Variants in MAP3K20 observed in about 807,000 individuals in gnomAD.
The protein encoded by MAP3K20 is mitogen-activated protein kinase kinase kinase 20.
A neutral mutation model predicts 85.7 loss-of-function variants in MAP3K20; 40 were observed. The observed-to-expected ratio is 0.47, with a 90% CI of 0.36 to 0.61. MAP3K20 has a LOEUF of 0.61. Among genes scored for constraint, MAP3K20 ranks in the 20% least tolerant of loss-of-function variants. MAP3K20 has a pLI of 0.00. For synonymous variants in MAP3K20, 325 were observed against 327.7 expected (o/e 0.99, Z 0.09); for missense variants, 817 against 961.7 (o/e 0.85, Z 1.99).
intron 2 of MAP3K20, among the ~76,000 whole-genome samples, chr2:173,132,088 G>A (rs1414343034): frequency 5.3e-5 from 8 of 152,066 alleles, no homozygotes. Flanking sequence ...AGATATTTTT[G>A]AATTGATGCT....
intron 16 of MAP3K20, among the ~76,000 whole-genome samples, chr2:173,254,173 T>C (rs193207688): frequency 0.024 from 3,648 of 151,578 alleles, 78 homozygotes; most frequent in Non-Finnish European, 0.031. Flanking sequence ...CCCAGCACTT[T>C]GGGAGGCTGA....
At chr2:173,223,236 A>T in intron 11 of MAP3K20, 2 of 985,310 alleles carry the variant, frequency 2.0e-6, no homozygotes, top group Non-Finnish European at 2.4e-6. Context: ...GAAGAAAGGG[A>T]TCAGAGTCTG....
Position 173,232,236 on chromosome 2 carries a change from G to A in MAP3K20, c.1063+14G>A. ...TCGTCAGAAAAGGCAAGTGGAATAA[G>A]TTACCTTCTTCAATCATGGAGTTAA... On this transcript the variant is annotated intron_variant, in intron 13 of 19. Transcript: ENST00000375213. The A allele has an allele frequency of 6.2e-7, 1 of 1,614,218 alleles. No individual in the cohort carries two copies. Among genetic ancestry groups the A allele is most frequent in the Non-Finnish European group, 8.5e-7 (1 of 1,180,030 alleles).
chr2:173,194,467 T>G lies in MAP3K20; in HGVS notation c.582+3290T>G, dbSNP rs1415276677. On this transcript the variant is annotated intron_variant, in intron 7 of 19. Transcript: ENST00000375213. Reference sequence around the variant, plus strand: ...TTTTAATGAAGAAAGCATTATGTGTTCAAAGTAGATGTTATAGAAAAGAGC... The same window carrying G: ...TTTTAATGAAGAAAGCATTATGTGTGCAAAGTAGATGTTATAGAAAAGAGC... Among the ~76,000 whole-genome samples, 6 of 152,110 alleles carry G rather than the reference T, an allele frequency of 3.9e-5. No homozygotes were observed. The East Asian group carries it at 1.2e-3, about 29-fold the overall frequency.
chr2:173,201,121 GA>G (rs1691046726), intron 8 of MAP3K20, among the ~76,000 whole-genome samples: 1 of 152,050 alleles, frequency 6.6e-6, no homozygotes, highest in African/African-American at 2.4e-5. Flanking sequence ...TGCATCTATA[GA>G]AAAATCAATA....
chr2:173,085,807 T>G (rs1687129353), intron 1 of MAP3K20, among the ~76,000 whole-genome samples: 1 of 142,190 alleles, frequency 7.0e-6, no homozygotes, highest in Admixed American at 7.0e-5. Flanking sequence ...TTTTTTTTTT[T>G]TTTTTTGAGA....
chr2:173,177,323 A>G (rs1478307105), intron 3 of MAP3K20, among the ~76,000 whole-genome samples: 1 of 152,214 alleles, frequency 6.6e-6, no homozygotes, highest in East Asian at 1.9e-4. Context: ...TGTGTTTTCT[A>G]ATCACAATGC....
At chr2:173,079,340 A>G (rs1457550062) in intron 1 of MAP3K20, among the ~76,000 whole-genome samples, 1 of 152,224 alleles carries the variant, frequency 6.6e-6, no homozygotes, top group African/African-American at 2.4e-5. Context: ...AGGTTGCAGG[A>G]CTGGAAGTTG....
chr2:173,244,170 G>C (rs1450611203), intron 16 of MAP3K20, among the ~76,000 whole-genome samples: 2 of 152,182 alleles, frequency 1.3e-5, no homozygotes, highest in Non-Finnish European at 2.9e-5. Context: ...GAGGTTTCTA[G>C]TGTGGGCAAC....
chr2:173,137,294 A>G (rs1458187222), intron 2 of MAP3K20, among the ~76,000 whole-genome samples: 2 of 152,226 alleles, frequency 1.3e-5, no homozygotes, highest in African/African-American at 4.8e-5. Context: ...CACCTGGACT[A>G]AAGAATAATA....
chr2:173,210,066 T>C, intron 10 of MAP3K20: 2 of 500,182 alleles, frequency 4.0e-6, no homozygotes, highest in South Asian at 4.3e-5. Context: ...GAAAAGAATA[T>C]TGAGGCCGGT....
intron 19 of MAP3K20, 99 bp from the exon 20 acceptor site, chr2:173,265,951 G>A: frequency 8.1e-7 from 1 of 1,231,162 alleles, no homozygotes; most frequent in Non-Finnish European, 1.1e-6. Flanking sequence ...AAAGCTTAGA[G>A]CATCCCAAAC....
At chr2:173,235,284 G>A (rs1011769630) in intron 14 of MAP3K20, among the ~76,000 whole-genome samples, 2 of 152,194 alleles carry the variant, frequency 1.3e-5, no homozygotes, top group Admixed American at 6.5e-5. Context: ...GTGTGCAGAC[G>A]AGGTCATGCT....
chr2:173,266,645 G>A lies in MAP3K20; in HGVS notation c.2298G>A (p.Gly766=). ...ASEEDSKVSE[G]GWTKVEYRKK... ...AAGAGGACAGCAAAGTCAGCGAAGG[G>A]GGCTGGACAAAAGTGGAATACCGGA... Residue 766 remains glycine (G), a synonymous_variant, in exon 20 of 20, where the codon GGG becomes GGA. Transcript: ENST00000375213. 6.2e-7 allele frequency: 1 copy of A among 1,613,582 alleles called. No individual in the cohort carries two copies. The highest frequency in any genetic ancestry group is 8.5e-7 in the Non-Finnish European group (1 of 1,179,838).
chr2:173,095,978 G>A lies in MAP3K20; in HGVS notation c.159+4788G>A, dbSNP rs1356293510. ...TATTGTGAAAAATTTCAAACATAAA[G>A]AAAAGGTGAAAAGGTTTTGTAGTAA... On this transcript the variant is annotated intron_variant, in intron 2 of 19. Transcript: ENST00000375213. Among the ~76,000 whole-genome samples the A allele has an allele frequency of 2.6e-5, 4 of 152,204 alleles. No individual in the cohort carries two copies. In the East Asian group the frequency reaches 7.7e-4, roughly 29 times the overall value.
chr2:173,208,623 T>TAATA (rs1254493833), intron 9 of MAP3K20, among the ~76,000 whole-genome samples: 1 of 152,040 alleles, frequency 6.6e-6, no homozygotes, highest in Non-Finnish European at 1.5e-5. Flanking sequence ...TGAAAGAGAA[T>TAATA]AATAATGGCA....
chr2:173,234,196 A>G (rs891084717), intron 14 of MAP3K20, among the ~76,000 whole-genome samples: 3 of 152,150 alleles, frequency 2.0e-5, no homozygotes, highest in African/African-American at 7.2e-5. Flanking sequence ...TTCCTTAAGG[A>G]TCAGTTCGGA....
intron 17 of MAP3K20, among the ~76,000 whole-genome samples, chr2:173,260,712 A>G (rs879546421): frequency 1.3e-5 from 2 of 152,186 alleles, no homozygotes; most frequent in African/African-American, 2.4e-5. Flanking sequence ...TCATATTGCT[A>G]TGGATTTCTC....
At chr2:173,117,503 C>T (rs1688158690) in intron 2 of MAP3K20, among the ~76,000 whole-genome samples, 1 of 152,188 alleles carries the variant, frequency 6.6e-6, no homozygotes, top group African/African-American at 2.4e-5. Context: ...TGGTCTCGAA[C>T]TCCTGGGCTC....
Sources: allele counts gnomAD v4.1 joint callset (sites outside exome capture counted in the v4.1 genomes callset), GRCh38; gene constraint gnomAD v4.1.1; transcripts MANE v1.5; gene names NCBI Gene and HGNC (gene_info 2026-07-23, HGNC 2026-07-21).